Variants in SLC7A6OS observed in about 807,000 individuals in gnomAD.
SLC7A6OS encodes the protein solute carrier family 7 member 6 opposite strand.
Under a neutral mutation model 34.3 loss-of-function variants are expected in SLC7A6OS, and 22 were observed. That is an observed-to-expected ratio of 0.64 (90% confidence interval 0.46 to 0.92). SLC7A6OS has a LOEUF of 0.92. Among genes scored for constraint, SLC7A6OS ranks in the 40% least tolerant of loss-of-function variants. The pLI is 0.00. For synonymous variants in SLC7A6OS, 199 were observed against 165.0 expected, an observed-to-expected ratio of 1.21 and a Z score of -1.58; for missense variants, 434 against 407.7, an observed-to-expected ratio of 1.06 and a Z score of -0.56.
At chr16:68,309,358 C>T (rs150285283) in intron 2 of SLC7A6OS, among the ~76,000 whole-genome samples, 2 of 152,180 alleles carry the variant, frequency 1.3e-5, no homozygotes, top group African/African-American at 4.8e-5. Context: ...GCTGGGATTA[C>T]AGGGAGTATT....
rs541254440 is a variant in SLC7A6OS at position 68,310,607 on chromosome 16, G to C, written c.199C>G (p.Pro67Ala). 6.3e-7 allele frequency: 1 copy of C among 1,598,504 alleles called. No homozygotes were observed. Among genetic ancestry groups the C allele is most frequent in the Admixed American group, 1.7e-5 (1 of 58,952 alleles). The change falls in exon 2 of 5, where the codon CCA becomes GCA. Residue 67 changes from proline to alanine, a missense_variant. By Grantham distance (27) the Pro-to-Ala change is conservative. Transcript: ENST00000263997. ...ACTTCCCGCAGGAGAGGCTGGACTGGTTCCTCCTAGGGGGCAACAGGGGAC... is the reference window on the plus strand; with the variant it reads ...ACTTCCCGCAGGAGAGGCTGGACTGCTTCCTCCTAGGGGGCAACAGGGGAC... ...LVATVCSQEE[P>A]VQPLLREVLR...
intron 1 of SLC7A6OS, 55 bp downstream of exon 1, chr16:68,310,680 T>C: frequency 1.9e-6 from 3 of 1,580,422 alleles, no homozygotes; most frequent in Non-Finnish European, 2.6e-6. Flanking sequence ...GGATCGGGTT[T>C]CGTACCGGCT....
intron 3 of SLC7A6OS, among the ~76,000 whole-genome samples, chr16:68,303,169 C>G (rs1275843593): frequency 6.7e-6 from 1 of 150,030 alleles, no homozygotes; most frequent in African/African-American, 2.5e-5. Context: ...GAGGCTGAGG[C>G]AGGAGAATCG....
intron 2 of SLC7A6OS, among the ~76,000 whole-genome samples, chr16:68,307,327 C>A (rs953847809): frequency 6.6e-6 from 1 of 152,180 alleles, no homozygotes; most frequent in Non-Finnish European, 1.5e-5. Context: ...CTTAGCTTAG[C>A]TGTTTGCTTC....
Position 68,298,777 on chromosome 16 carries a change from T to C in SLC7A6OS, c.*2498A>G, listed in dbSNP as rs1359322682. The C allele has an allele frequency of 6.6e-6, 1 of 152,266 alleles. No individual in the cohort carries two copies. The highest frequency in any genetic ancestry group is 1.5e-5 in the Non-Finnish European group (1 of 68,072). The allele number at this position is 152,266 out of a possible 1,614,324, so 9.4% of individuals were successfully genotyped here. A position where few individuals can be genotyped will look rare whatever the true frequency, so the allele number is the denominator to read the frequency against. Reference sequence around the variant, plus strand: ...CCTGCTCTGGCCTAATGGATCTTACTGTATGAGCAGGACGGCTGCATTGGA... The same window carrying C: ...CCTGCTCTGGCCTAATGGATCTTACCGTATGAGCAGGACGGCTGCATTGGA... On this transcript the variant is annotated 3_prime_UTR_variant, in exon 5 of 5. Transcript: ENST00000263997.
chr16:68,304,380 G>T, intron 2 of SLC7A6OS, 148 bp from the exon 3 acceptor site: 1 of 682,434 alleles, frequency 1.5e-6, no homozygotes, highest in Non-Finnish European at 2.5e-6. Context: ...GAGTGCAGTG[G>T]CGTGGTCTTG....
chr16:68,309,909 T>C (rs1165058247), intron 2 of SLC7A6OS, among the ~76,000 whole-genome samples: 2 of 152,198 alleles, frequency 1.3e-5, no homozygotes, highest in African/African-American at 4.8e-5. Context: ...CCTCTTTACT[T>C]TCAGGTTCTC....
Position 68,310,812 on chromosome 16 carries a change from C to A in SLC7A6OS, c.115G>T (p.Ala39Ser). Residue 39 changes from alanine (A) to serine (S), a missense_variant, in exon 1 of 5, where the codon GCA becomes TCA. By Grantham distance (99) the Ala-to-Ser change is moderately conservative (BLOSUM62 1). Transcript: ENST00000263997. ...RLRSDAVESA[A>S]QKTSEGLERA... Reference sequence around the variant, plus strand: ...TCCAAACCCTCCGACGTCTTCTGTGCCGCTGACTCGACCGCGTCGCTCCGG... The same window carrying A: ...TCCAAACCCTCCGACGTCTTCTGTGACGCTGACTCGACCGCGTCGCTCCGG... 6.2e-7 allele frequency: 1 copy of A among 1,613,800 alleles called. No individual in the cohort carries two copies. Among genetic ancestry groups the A allele is most frequent in the Non-Finnish European group, 8.5e-7 (1 of 1,179,942 alleles).
chr16:68,308,522 G>A (rs2043342882), intron 2 of SLC7A6OS, among the ~76,000 whole-genome samples: 1 of 151,776 alleles, frequency 6.6e-6, no homozygotes, highest in Admixed American at 6.6e-5. Flanking sequence ...AGCTACTCGC[G>A]AGGCTGAGGC....
At chr16:68,302,221 A>G in intron 4 of SLC7A6OS, 160 bp downstream of exon 4, 1 of 751,864 alleles carries the variant, frequency 1.3e-6, no homozygotes, top group Non-Finnish European at 2.2e-6. Context: ...GCCCCTGGGA[A>G]ACACTGGTCT....
chr16:68,303,996 C>G, intron 3 of SLC7A6OS, 30 bp downstream of exon 3: 1 of 1,596,556 alleles, frequency 6.3e-7, no homozygotes, highest in Non-Finnish European at 8.6e-7. Context: ...TAGGATGCCT[C>G]ATGCCCCGTC....
At position 68,299,251 on chromosome 16, in the gene SLC7A6OS, C is replaced by G. The variant is rs2043226973; in HGVS notation, c.*2024G>C. 6.5e-6 allele frequency: 1 copy of G among 152,738 alleles called. No individual in the cohort carries two copies. Among genetic ancestry groups the G allele is most frequent in the African/African-American group, 2.4e-5 (1 of 41,560 alleles). The allele number at this position is 152,738 out of a possible 1,614,324, so 9.5% of individuals were successfully genotyped here. ...AAAATGTGCTTGCCTTTTAAAGATC[C>G]CTGACCCCAGCTTTAGCTTTCTCCA... On this transcript the variant is annotated 3_prime_UTR_variant, in exon 5 of 5. Transcript: ENST00000263997.
At position 68,299,553 on chromosome 16, in the gene SLC7A6OS, C is replaced by A. The variant is rs2043233263; in HGVS notation, c.*1722G>T. On this transcript the variant is annotated 3_prime_UTR_variant, in exon 5 of 5. Transcript: ENST00000263997. The stretch of plus-strand genomic sequence containing the variant: ...TCTTTGTTGTCTGTCTCCTTAAATC[C>A]TTTTCCTGGTGTGCTTATTATCCCT... The A allele has an allele frequency of 6.6e-6, 1 of 152,346 alleles. No individual in the cohort carries two copies. 9.4% of individuals were successfully genotyped at this position (152,346 alleles called of 1,614,324 possible). A position where few individuals can be genotyped will look rare whatever the true frequency, so the allele number is the denominator to read the frequency against.
At position 68,298,938 on chromosome 16, in the gene SLC7A6OS, T is replaced by C. The variant is rs2043221089; in HGVS notation, c.*2337A>G. On this transcript the variant is annotated 3_prime_UTR_variant, in exon 5 of 5. Transcript: ENST00000263997. ...GTGAGGCAGTCTCCCTTCCTGACCA[T>C]TCTTCTCCACCCAGTCACAGATAAG... 1.3e-5 allele frequency: 2 copies of C among 152,658 alleles called. No homozygotes were observed. Among genetic ancestry groups the C allele is most frequent in the South Asian group, 4.1e-4 (2 of 4,832 alleles). The allele number at this position is 152,658 out of a possible 1,614,324, so 9.5% of individuals were successfully genotyped here.
intron 2 of SLC7A6OS, 40 bp from the exon 3 acceptor site, chr16:68,304,272 A>G (rs768786884): frequency 3.8e-6 from 6 of 1,565,022 alleles, no homozygotes; most frequent in Non-Finnish European, 5.3e-6. Context: ...CGCATGACCC[A>G]AAACATGATG....
chr16:68,305,897 A>G (rs2043322674), intron 2 of SLC7A6OS, among the ~76,000 whole-genome samples: 1 of 152,160 alleles, frequency 6.6e-6, no homozygotes, highest in South Asian at 2.1e-4. Flanking sequence ...GTCTCTACAA[A>G]AAATACAAAA....
At position 68,304,168 on chromosome 16, in the gene SLC7A6OS, G is replaced by C; in HGVS notation, c.536C>G (p.Ser179Cys). Residue 179 changes from serine to cysteine, a missense_variant, in exon 3 of 5, where the codon TCT (serine) becomes TGT (cysteine). Physicochemically the swap from Ser to Cys is moderately radical, Grantham distance 112 (BLOSUM62 -1). Coordinates refer to ENST00000263997, the MANE Select transcript of SLC7A6OS (RefSeq NM_032178.3). ...VELIRERLTVSEDGPGVRRQE... is the reference protein window; with the variant it reads ...VELIRERLTVCEDGPGVRRQE... ...GCGCCTGACTCCTGGTCCATCCTCA[G>C]ACACAGTCAATCGCTCACGGATCAA... 6.2e-7 allele frequency: 1 copy of C among 1,614,172 alleles called. No individual in the cohort carries two copies. The highest frequency in any genetic ancestry group is 8.5e-7 in the Non-Finnish European group (1 of 1,180,024).
chr16:68,299,890 T>G lies in SLC7A6OS; in HGVS notation c.*1385A>C, dbSNP rs920893638. On this transcript the variant is annotated 3_prime_UTR_variant, in exon 5 of 5. Transcript: ENST00000263997. The stretch of plus-strand genomic sequence containing the variant: ...ACAGAATTTAATCACTTCGGCAGGT[T>G]GAACAACTCCATGTAGATAAGAGCA... The G allele has an allele frequency of 6.6e-6, 1 of 152,210 alleles. No individual in the cohort carries two copies. The highest frequency in any genetic ancestry group is 2.4e-5 in the African/African-American group (1 of 41,442). 9.4% of individuals were successfully genotyped at this position (152,210 alleles called of 1,614,324 possible).
At chr16:68,302,354 C>A in intron 4 of SLC7A6OS, 27 bp downstream of exon 4, 1 of 1,613,604 alleles carries the variant, frequency 6.2e-7, no homozygotes, top group African/African-American at 1.3e-5. Flanking sequence ...TCCTACCAGT[C>A]CCTCCCGGTC....
Sources: gnomAD v4.1 joint callset for allele counts (sites outside exome capture counted in the v4.1 genomes callset) on GRCh38, gnomAD v4.1.1 for gene constraint, MANE v1.5 for transcripts, NCBI Gene and HGNC (gene_info 2026-07-23, HGNC 2026-07-21) for gene names.